The following DCUN1D4 variants were observed in gnomAD, a reference collection of about 807,000 sequenced individuals.
DCUN1D4 encodes defective in cullin neddylation 1 domain containing 4.
DCUN1D4 carries 22 observed loss-of-function variants against 47.9 expected under a neutral mutation model. The observed-to-expected ratio is 0.46, with a 90% CI of 0.33 to 0.66. DCUN1D4 has a LOEUF of 0.66. Among genes scored for constraint, DCUN1D4 ranks in the 30% least tolerant of loss-of-function variants. The pLI is 0.02. For synonymous variants in DCUN1D4, 121 were observed against 112.2 expected (o/e 1.08, Z -0.50); for missense variants, 301 against 340.8 (o/e 0.88, Z 0.92).
At chr4:51,852,795 G>A (rs1422609494) in intron 1 of DCUN1D4, among the ~76,000 whole-genome samples, 1 of 152,188 alleles carries the variant, frequency 6.6e-6, no homozygotes, top group Non-Finnish European at 1.5e-5. Flanking sequence ...TTATGGATGA[G>A]GACACGGGCA....
At position 51,874,389 on chromosome 4, in the gene DCUN1D4, T is replaced by TA. The variant is rs1560480583; in HGVS notation, c.251+4_251+5insA. 1 of 1,596,586 alleles carries TA rather than the reference T, an allele frequency of 6.3e-7. No homozygotes were observed. Among genetic ancestry groups the TA allele is most frequent in the South Asian group, 1.1e-5 (1 of 90,210 alleles). On this transcript the variant is annotated splice_donor_region_variant and intron_variant, in intron 4 of 10. Coordinates refer to ENST00000334635, the MANE Select transcript of DCUN1D4 (RefSeq NM_001040402.3). ...CCAAGAAAAGTAGACATGATAGGTATGATGTAGAGACAGTAGATCAGAATC... is the reference window on the plus strand; with the variant it reads ...CCAAGAAAAGTAGACATGATAGGTATAGATGTAGAGACAGTAGATCAGAATC...
chr4:51,872,476 T>C (rs1323535790), intron 3 of DCUN1D4, among the ~76,000 whole-genome samples: 1 of 152,192 alleles, frequency 6.6e-6, no homozygotes, highest in East Asian at 1.9e-4. Context: ...ACTTGATTGC[T>C]AAATCTCATG....
chr4:51,881,243 T>G (rs1050355570), intron 5 of DCUN1D4, among the ~76,000 whole-genome samples: 1 of 152,260 alleles, frequency 6.6e-6, no homozygotes, highest in African/African-American at 2.4e-5. Context: ...ACATTGGTTT[T>G]ACAGTTATAC....
chr4:51,847,279 T>G (rs989186695), intron 1 of DCUN1D4, among the ~76,000 whole-genome samples: 1 of 152,180 alleles, frequency 6.6e-6, no homozygotes, highest in East Asian at 1.9e-4. Flanking sequence ...TAAATATAGA[T>G]AAAACCCTGT....
At chr4:51,858,700 C>A (rs1724530278) in intron 1 of DCUN1D4, among the ~76,000 whole-genome samples, 1 of 152,212 alleles carries the variant, frequency 6.6e-6, no homozygotes. Context: ...TTTCTTCTTG[C>A]ACACATAGTA....
rs563593818 is a variant in DCUN1D4 at position 51,905,406 on chromosome 4, A to G, written c.616-5664A>G. On this transcript the variant is annotated intron_variant, in intron 8 of 10. Coordinates refer to ENST00000334635, the MANE Select transcript of DCUN1D4 (RefSeq NM_001040402.3). ...AATCTTGCTAGAAGAAGACGGTGGA[A>G]TATACACAAGGGCCAACATGATCAG... The G allele has an allele frequency of 1.1e-3, 267 of 240,006 alleles. 3 individuals are homozygous for G. The South Asian group carries it at 0.012, about 11-fold the overall frequency. 14.9% of individuals were successfully genotyped at this position (240,006 alleles called of 1,614,324 possible). A position where few individuals can be genotyped will look rare whatever the true frequency, so the allele number is the denominator to read the frequency against.
At chr4:51,836,439 A>G in the DCUN1D4 span, among the ~76,000 whole-genome samples, 1 of 152,212 alleles carries the variant, frequency 6.6e-6, no homozygotes, top group Admixed American at 6.5e-5. Flanking sequence ...GCAGATGAAC[A>G]TATGTGTGTG....
At chr4:51,856,374 T>C (rs978794527) in intron 1 of DCUN1D4, among the ~76,000 whole-genome samples, 3 of 152,202 alleles carry the variant, frequency 2.0e-5, no homozygotes, top group Non-Finnish European at 4.4e-5. Context: ...AAATAGAAAG[T>C]TAACACTGGT....
intron 8 of DCUN1D4, among the ~76,000 whole-genome samples, chr4:51,905,006 A>G (rs1311528212): frequency 6.6e-6 from 1 of 152,212 alleles, no homozygotes; most frequent in Non-Finnish European, 1.5e-5. Context: ...GAAAGAAACT[A>G]CAGTACAACA....
At chr4:51,913,223 G>T in intron 9 of DCUN1D4, 67 bp from the exon 10 acceptor site, 1 of 981,704 alleles carries the variant, frequency 1.0e-6, no homozygotes. Flanking sequence ...GATTCATAAA[G>T]CAATTGAAAC....
At chr4:51,843,415 G>A (rs1721905324) in intron 1 of DCUN1D4, 148 bp downstream of exon 1, 5 of 1,284,020 alleles carry the variant, frequency 3.9e-6, no homozygotes, top group Middle Eastern at 2.9e-4. Flanking sequence ...CCCGGGGCCG[G>A]GGCGGGCGGT....
intron 5 of DCUN1D4, among the ~76,000 whole-genome samples, chr4:51,878,642 A>G (rs577042654): frequency 6.6e-6 from 1 of 152,230 alleles, no homozygotes; most frequent in Middle Eastern, 3.4e-3. Context: ...TCCCAACCCT[A>G]TCTCCTGGCC....
intron 3 of DCUN1D4, 44 bp from the exon 4 acceptor site, chr4:51,874,227 A>T: frequency 1.5e-6 from 2 of 1,333,286 alleles, no homozygotes; most frequent in South Asian, 2.5e-5. Context: ...CAGAGTTAGG[A>T]TGTAGCATAC....
chr4:51,841,176 G>A (rs1721626611), upstream of DCUN1D4, among the ~76,000 whole-genome samples: 1 of 152,002 alleles, frequency 6.6e-6, no homozygotes, highest in East Asian at 1.9e-4. Context: ...GAGGTGTCAC[G>A]AAGGAAGCCC....
At chr4:51,834,359 G>C in the DCUN1D4 span, among the ~76,000 whole-genome samples, 1 of 151,586 alleles carries the variant, frequency 6.6e-6, no homozygotes, top group African/African-American at 2.4e-5. Flanking sequence ...GGGGGTTTTG[G>C]GGGTGGTAGT....
In DCUN1D4 at chr4:51,907,830, A is replaced by G. The variant is rs565411579; in HGVS notation, c.616-3240A>G. Among the ~76,000 whole-genome samples the G allele has an allele frequency of 3.9e-4, 59 of 152,228 alleles. 1 individual carries two copies. Among genetic ancestry groups the G allele is most frequent in the Non-Finnish European group, 7.6e-4 (52 of 68,014 alleles). Reference sequence around the variant, plus strand: ...GTTTAAAGGTTCATTTTTGTAATATATTTCTATTTACATGTTTACAGTTAA... The same window carrying G: ...GTTTAAAGGTTCATTTTTGTAATATGTTTCTATTTACATGTTTACAGTTAA... On this transcript the variant is annotated intron_variant, in intron 8 of 10. Coordinates refer to ENST00000334635, the MANE Select transcript of DCUN1D4 (RefSeq NM_001040402.3).
intron 9 of DCUN1D4, among the ~76,000 whole-genome samples, chr4:51,912,422 A>G (rs1733844068): frequency 6.6e-6 from 1 of 151,958 alleles, no homozygotes; most frequent in Non-Finnish European, 1.5e-5. Flanking sequence ...ATTAGTTTGC[A>G]TTTTTCTTTA....
chr4:51,895,378 G>T (rs1326924173), intron 7 of DCUN1D4, among the ~76,000 whole-genome samples: 1 of 151,810 alleles, frequency 6.6e-6, no homozygotes, highest in African/African-American at 2.4e-5. Flanking sequence ...GAGGAATTGT[G>T]TGCTTGGCTT....
At chr4:51,865,302 C>A in intron 3 of DCUN1D4, 1 of 228,474 alleles carries the variant, frequency 4.4e-6, no homozygotes, top group Non-Finnish European at 9.1e-6. Context: ...TACTCTTCCA[C>A]AACACCTGGA....
Sources: allele counts gnomAD v4.1 joint callset (sites outside exome capture counted in the v4.1 genomes callset), GRCh38; gene constraint gnomAD v4.1.1; transcripts MANE v1.5; gene names NCBI Gene and HGNC (gene_info 2026-07-23, HGNC 2026-07-21).